The following GNAQ variants were observed in gnomAD, a reference collection of about 807,000 sequenced individuals.
The protein encoded by GNAQ is guanine nucleotide-binding protein G(q) subunit alpha.
GNAQ carries 8 observed loss-of-function variants against 43.9 expected under a neutral mutation model. That is an observed-to-expected ratio of 0.18 (90% CI 0.11 to 0.33). GNAQ has a LOEUF of 0.33. Among genes scored for constraint, GNAQ ranks in the 10% least tolerant of loss-of-function variants. The probability of loss-of-function intolerance (pLI) is 1.00; values close to 1 mark genes in which losing one functional copy is unlikely to be tolerated. For synonymous variants in GNAQ, 155 were observed against 170.7 expected (o/e 0.91, Z 0.71); for missense variants, 158 against 450.8 (o/e 0.35, Z 5.88).
At chr9:77,768,073 A>G (rs1826163137) in intron 5 of GNAQ, among the ~76,000 whole-genome samples, 1 of 152,176 alleles carries the variant, frequency 6.6e-6, no homozygotes, top group Non-Finnish European at 1.5e-5. Context: ...TTGTTACTGA[A>G]TCTTTACAAT....
chr9:77,903,517 A>T (rs1186355437), intron 2 of GNAQ, among the ~76,000 whole-genome samples: 4 of 152,212 alleles, frequency 2.6e-5, no homozygotes, highest in Non-Finnish European at 5.9e-5. Flanking sequence ...CAGCCCAGTA[A>T]GGGTGAGCTC....
At chr9:77,803,387 C>G (rs1826777624) in intron 3 of GNAQ, among the ~76,000 whole-genome samples, 1 of 152,200 alleles carries the variant, frequency 6.6e-6, no homozygotes, top group Non-Finnish European at 1.5e-5. Context: ...GCTTTCAGGC[C>G]TTAGCATTCT....
chr9:77,903,021 T>C (rs1019676590), intron 2 of GNAQ, among the ~76,000 whole-genome samples: 1 of 151,918 alleles, frequency 6.6e-6, no homozygotes, highest in African/African-American at 2.4e-5. Context: ...TCCAAGCAGG[T>C]GTCAATGGTC....
At chr9:77,952,181 A>T (rs906790249) in intron 1 of GNAQ, among the ~76,000 whole-genome samples, 1 of 152,244 alleles carries the variant, frequency 6.6e-6, no homozygotes, top group Admixed American at 6.5e-5. Context: ...ATATGCCCAA[A>T]GGTGGGTTGA....
chr9:77,909,693 A>C (rs568822884), intron 2 of GNAQ, among the ~76,000 whole-genome samples: 34 of 152,244 alleles, frequency 2.2e-4, no homozygotes, highest in Admixed American at 7.2e-4. Context: ...TAAAAAAAAA[A>C]AAAACAACAA....
chr9:77,742,482 G>GA (rs1245081503), intron 5 of GNAQ, among the ~76,000 whole-genome samples: 2 of 151,746 alleles, frequency 1.3e-5, no homozygotes, highest in African/African-American at 2.4e-5. Flanking sequence ...ACTCTTTTAA[G>GA]AAAAGTTTGC....
chr9:77,810,589 A>G (rs1469874881), intron 3 of GNAQ, among the ~76,000 whole-genome samples: 5 of 152,198 alleles, frequency 3.3e-5, no homozygotes, highest in Non-Finnish European at 7.3e-5. Flanking sequence ...GACCTTCAAC[A>G]ACAGCAGGAA....
chr9:77,904,614 G>A (rs930874401), intron 2 of GNAQ, among the ~76,000 whole-genome samples: 1 of 152,066 alleles, frequency 6.6e-6, no homozygotes, highest in Non-Finnish European at 1.5e-5. Flanking sequence ...TTACAGGTGT[G>A]AGTCACCGTG....
At chr9:77,888,491 G>T (rs551083402) in intron 2 of GNAQ, among the ~76,000 whole-genome samples, 2 of 152,320 alleles carry the variant, frequency 1.3e-5, no homozygotes, top group Admixed American at 1.3e-4. Context: ...GCAGCAAGGA[G>T]AAAAGTGGCT....
intron 1 of GNAQ, among the ~76,000 whole-genome samples, chr9:77,979,404 AAG>A (rs1182464059): frequency 5.3e-5 from 8 of 152,098 alleles, no homozygotes; most frequent in African/African-American, 1.9e-4. Flanking sequence ...AAATATATGA[AAG>A]AACTATTTGA....
At position 77,883,293 on chromosome 9, in the gene GNAQ, G is replaced by C. The variant is rs1021872202; in HGVS notation, c.321+38868C>G. ...AGGGAAGTGACACTGTGCCCTATAT[G>C]AGAGTCTCCAGATGGTTACAGCAGC... On this transcript the variant is annotated intron_variant, in intron 2 of 6. Transcript: ENST00000286548. 2.5e-4 allele frequency among the ~76,000 whole-genome samples: 38 copies of C among 152,044 alleles called. 1 individual carries two copies. Among genetic ancestry groups the C allele is most frequent in the Non-Finnish European group, 7.3e-5 (5 of 68,028 alleles).
At chr9:77,998,752 G>T (rs1382363610) in intron 1 of GNAQ, among the ~76,000 whole-genome samples, 1 of 152,042 alleles carries the variant, frequency 6.6e-6, no homozygotes, top group African/African-American at 2.4e-5. Context: ...TGAAACCAAA[G>T]ACAAATGTAT....
At chr9:77,783,182 T>C (rs879312967) in intron 5 of GNAQ, among the ~76,000 whole-genome samples, 14 of 152,194 alleles carry the variant, frequency 9.2e-5, no homozygotes, top group Non-Finnish European at 1.3e-4. Context: ...TGTAACAAAT[T>C]TGTCACTCTG....
intron 1 of GNAQ, among the ~76,000 whole-genome samples, chr9:77,995,239 G>A (rs1383107525): frequency 6.6e-6 from 1 of 152,142 alleles, no homozygotes; most frequent in Non-Finnish European, 1.5e-5. Flanking sequence ...CCTCAAAGAT[G>A]CTACAGCTAT....
At chr9:77,746,998 A>T (rs928369702) in intron 5 of GNAQ, among the ~76,000 whole-genome samples, 3 of 152,130 alleles carry the variant, frequency 2.0e-5, no homozygotes, top group African/African-American at 4.8e-5. Flanking sequence ...AAACTGATTG[A>T]TTTTTAAACT....
At chr9:77,829,115 T>C (rs1350082652) in intron 2 of GNAQ, among the ~76,000 whole-genome samples, 1 of 152,142 alleles carries the variant, frequency 6.6e-6, no homozygotes. Context: ...GCTATAATAT[T>C]ATACTTTTTC....
chr9:77,975,419 T>C (rs1415018913), intron 1 of GNAQ, among the ~76,000 whole-genome samples: 2 of 152,050 alleles, frequency 1.3e-5, no homozygotes, highest in Admixed American at 6.6e-5. Context: ...TGTATTAATA[T>C]AATTATCTTC....
At chr9:77,943,564 C>T (rs183539242) in intron 1 of GNAQ, among the ~76,000 whole-genome samples, 1 of 151,618 alleles carries the variant, frequency 6.6e-6, no homozygotes, top group Non-Finnish European at 1.5e-5. Flanking sequence ...CTCTAGTATG[C>T]ACATTCATGT....
intron 2 of GNAQ, among the ~76,000 whole-genome samples, chr9:77,842,074 T>C (rs1827501116): frequency 1.3e-5 from 2 of 152,230 alleles, no homozygotes; most frequent in African/African-American, 4.8e-5. Flanking sequence ...TTTCAATAAA[T>C]CAAATCCCTC....
Sources: allele counts gnomAD v4.1 joint callset (sites outside exome capture counted in the v4.1 genomes callset), GRCh38; gene constraint gnomAD v4.1.1; transcripts MANE v1.5; gene names NCBI Gene and HGNC (gene_info 2026-07-23, HGNC 2026-07-21).